The following DOCK3 variants were observed in gnomAD, a reference collection of about 807,000 sequenced individuals.
DOCK3 encodes dedicator of cytokinesis 3, also known as dedicator of cytokinesis protein 3.
A neutral mutation model predicts 265.6 loss-of-function variants in DOCK3; 60 were observed. The ratio of observed to expected loss-of-function variants is 0.23; its 90% confidence interval spans 0.18 to 0.28. The LOEUF (loss-of-function observed/expected upper bound fraction) is 0.28, where lower values mean the gene tolerates loss of function less well. DOCK3 is among the 10% of genes least tolerant of loss of function. DOCK3 has a pLI of 1.00. For synonymous variants in DOCK3, 881 were observed against 938.0 expected (o/e 0.94, Z 1.11); for missense variants, 1,981 against 2,594.3 (o/e 0.76, Z 5.14).
chr3:51,347,590 T>C (rs1286559163), intron 38 of DOCK3, among the ~76,000 whole-genome samples: 3 of 152,240 alleles, frequency 2.0e-5, no homozygotes, highest in African/African-American at 7.2e-5. Flanking sequence ...CCAGCTTTGT[T>C]CTTTTTGCTT....
chr3:51,276,344 C>T, intron 25 of DOCK3: 2 of 985,176 alleles, frequency 2.0e-6, no homozygotes, highest in Non-Finnish European at 2.4e-6. Flanking sequence ...AAGATCTACT[C>T]ATAGCCCAAG....
At chr3:50,930,262 T>G (rs767775025) in intron 4 of DOCK3, among the ~76,000 whole-genome samples, 5 of 152,258 alleles carry the variant, frequency 3.3e-5, no homozygotes, top group Admixed American at 6.5e-5. Context: ...ACAACACTCC[T>G]TTAACATCAC....
intron 32 of DOCK3, among the ~76,000 whole-genome samples, chr3:51,320,216 G>A (rs1349015937): frequency 1.3e-5 from 2 of 152,102 alleles, no homozygotes; most frequent in Non-Finnish European, 2.9e-5. Flanking sequence ...AAGCACAAGG[G>A]GTCGGGGAAT....
At chr3:51,072,919 G>A (rs905373528) in intron 6 of DOCK3, among the ~76,000 whole-genome samples, 2 of 151,120 alleles carry the variant, frequency 1.3e-5, no homozygotes, top group South Asian at 2.1e-4. Context: ...AGTTGCCCAG[G>A]CTGGTCTCAA....
At chr3:51,005,048 T>TCATGCTTCTC (rs1255221957) in intron 5 of DOCK3, among the ~76,000 whole-genome samples, 17 of 151,918 alleles carry the variant, frequency 1.1e-4, no homozygotes, top group Admixed American at 1.1e-3. Flanking sequence ...TTCTTCATTT[T>TCATGCTTCTC]AAGAGAAAAT....
intron 22 of DOCK3, 37 bp downstream of exon 22, chr3:51,246,844 T>G (rs772057504): frequency 5.7e-6 from 9 of 1,587,128 alleles, no homozygotes; most frequent in Non-Finnish European, 6.0e-6. Flanking sequence ...AGAGACCCAC[T>G]CATGCAATTA....
rs1230843505 is a variant in DOCK3, at chr3:51,120,255, G to T, written c.747-26294G>T. ...GTAGATCCACTGGAGTTTGCTAGGG[G>T]TCTACTCCAGATCCTGTTTGCCTGG... On this transcript the variant is annotated intron_variant, in intron 9 of 52. Coordinates refer to ENST00000266037, the MANE Select transcript of DOCK3 (RefSeq NM_004947.5). Among the ~76,000 whole-genome samples, 3 of 152,150 alleles carry T rather than the reference G, an allele frequency of 2.0e-5. No individual in the cohort carries two copies. In the South Asian group the frequency reaches 6.2e-4, roughly 32 times the overall value.
intron 1 of DOCK3, among the ~76,000 whole-genome samples, chr3:50,771,951 CA>C (rs2041305635): frequency 6.6e-6 from 1 of 152,104 alleles, no homozygotes; most frequent in Non-Finnish European, 1.5e-5. Context: ...GTATATACCC[CA>C]AAGAGAGGAA....
In DOCK3 at chr3:51,016,550, T is replaced by TATA. The variant is rs1559944097; in HGVS notation, c.316-47897_316-47895dup. On this transcript the variant is annotated intron_variant, in intron 5 of 52. Coordinates refer to ENST00000266037, the MANE Select transcript of DOCK3 (RefSeq NM_004947.5). ...ATATAATATATGATATATATATTTATATATATCATATATTATATATATATT... is the reference window on the plus strand; with the variant it reads ...ATATAATATATGATATATATATTTATATAATATATCATATATTATATATATATT... 8.9e-4 allele frequency among the ~76,000 whole-genome samples: 72 copies of TATA among 81,026 alleles called. 4 individuals are homozygous for TATA. Among genetic ancestry groups the TATA allele is most frequent in the African/African-American group, 4.2e-3 (70 of 16,654 alleles). The allele number at this position is 81,026 out of a possible 152,430, so 53.2% of individuals were successfully genotyped here. A position where few individuals can be genotyped will look rare whatever the true frequency, so the allele number is the denominator to read the frequency against.
At chr3:51,049,802 C>T (rs1454890454) in intron 5 of DOCK3, among the ~76,000 whole-genome samples, 1 of 147,452 alleles carries the variant, frequency 6.8e-6, no homozygotes, top group African/African-American at 2.5e-5. Flanking sequence ...TCCACACACA[C>T]ACACACACAC....
chr3:51,313,909 G>A (rs753367316), intron 31 of DOCK3, among the ~76,000 whole-genome samples: 1 of 152,226 alleles, frequency 6.6e-6, no homozygotes, highest in Non-Finnish European at 1.5e-5. Context: ...ACTGTGCCAA[G>A]TACCAAAATT....
intron 1 of DOCK3, among the ~76,000 whole-genome samples, chr3:50,771,571 G>A (rs1417353604): frequency 6.6e-6 from 1 of 152,128 alleles, no homozygotes; most frequent in Non-Finnish European, 1.5e-5. Context: ...AGAGCTACTG[G>A]CCGGGTGTGG....
At chr3:51,241,138 A>C (rs902234048) in intron 21 of DOCK3, among the ~76,000 whole-genome samples, 4 of 152,160 alleles carry the variant, frequency 2.6e-5, no homozygotes, top group African/African-American at 9.7e-5. Context: ...AAATTCCTTC[A>C]GCATTTGGTT....
chr3:51,239,855 A>G (rs1008815239), intron 21 of DOCK3, among the ~76,000 whole-genome samples: 3 of 151,210 alleles, frequency 2.0e-5, no homozygotes, highest in Non-Finnish European at 4.4e-5. Flanking sequence ...TTTCTTCTTT[A>G]TTAGTCTAGC....
chr3:51,106,865 G>A (rs1034003628), intron 9 of DOCK3, among the ~76,000 whole-genome samples: 11 of 152,236 alleles, frequency 7.2e-5, no homozygotes, highest in Non-Finnish European at 1.5e-4. Context: ...GCAGACAAGT[G>A]TGCTCCCCAC....
At chr3:50,930,138 A>T (rs1036545832) in intron 4 of DOCK3, among the ~76,000 whole-genome samples, 13 of 151,298 alleles carry the variant, frequency 8.6e-5, no homozygotes, top group Non-Finnish European at 1.5e-4. Flanking sequence ...GAACACTCTA[A>T]GTTTTTTATA....
chr3:51,248,110 C>T (rs939973992), intron 22 of DOCK3, among the ~76,000 whole-genome samples: 3 of 152,158 alleles, frequency 2.0e-5, no homozygotes, highest in African/African-American at 7.2e-5. Flanking sequence ...TCAGCAGGGG[C>T]CCAAACAAAA....
chr3:51,165,175 A>T lies in DOCK3; in HGVS notation c.1037+4473A>T, dbSNP rs143704249. 3.9e-3 allele frequency among the ~76,000 whole-genome samples: 591 copies of T among 152,064 alleles called. 5 individuals carry two copies. Among genetic ancestry groups the T allele is most frequent in the Middle Eastern group, 0.01 (3 of 294 alleles). On this transcript the variant is annotated intron_variant, in intron 12 of 52. Transcript: ENST00000266037. ...GATGGTCTTGATCTCCTAACCTCGTACTCAGCCTCCCAAAGTGATGGGGTT... is the reference window on the plus strand; with the variant it reads ...GATGGTCTTGATCTCCTAACCTCGTTCTCAGCCTCCCAAAGTGATGGGGTT...
chr3:51,026,104 T>G (rs1052614635), intron 5 of DOCK3, among the ~76,000 whole-genome samples: 3 of 152,126 alleles, frequency 2.0e-5, no homozygotes, highest in Admixed American at 6.5e-5. Context: ...ACCTTCCAAG[T>G]GGGAGAGGCA....
Sources: allele counts gnomAD v4.1 joint callset (sites outside exome capture counted in the v4.1 genomes callset), GRCh38; gene constraint gnomAD v4.1.1; transcripts MANE v1.5; gene names NCBI Gene and HGNC (gene_info 2026-07-23, HGNC 2026-07-21).